Variants in ISOC1 observed in about 807,000 individuals in gnomAD.
ISOC1 encodes isochorismatase domain containing 1, also known as isochorismatase domain-containing protein 1.
ISOC1 carries 33 observed loss-of-function variants against 30.0 expected under a neutral mutation model. The observed-to-expected ratio is 1.10, with a 90% confidence interval of 0.83 to 1.47. ISOC1 has a LOEUF of 1.47. Among genes scored for constraint, ISOC1 ranks in the 40% most tolerant of loss-of-function variants. ISOC1 has a pLI of 0.00. For missense variants in ISOC1, 372 were observed against 388.0 expected, an observed-to-expected ratio of 0.96 and a Z score of 0.35; for synonymous variants, 178 against 159.8, an observed-to-expected ratio of 1.11 and a Z score of -0.86.
intron 3 of ISOC1, among the ~76,000 whole-genome samples, chr5:129,106,294 T>C (rs1451781475): frequency 1.3e-5 from 2 of 152,250 alleles, no homozygotes; most frequent in Non-Finnish European, 2.9e-5. Context: ...CGTGGCATCA[T>C]TGAAATGTAC....
At chr5:129,108,380 T>G (rs1289124446) in intron 4 of ISOC1, among the ~76,000 whole-genome samples, 1 of 152,206 alleles carries the variant, frequency 6.6e-6, no homozygotes, top group African/African-American at 2.4e-5. Flanking sequence ...AATCCTATAC[T>G]GAGATTACAA....
chr5:129,098,739 AT>A (rs1225622156), intron 1 of ISOC1, among the ~76,000 whole-genome samples: 3 of 152,134 alleles, frequency 2.0e-5, no homozygotes, highest in Non-Finnish European at 4.4e-5. Flanking sequence ...AGGGAAGGTT[AT>A]TTTGACCTTT....
chr5:129,101,019 TTTTGTTTGTTTG>T (rs5871338), intron 1 of ISOC1, among the ~76,000 whole-genome samples: 5 of 144,552 alleles, frequency 3.5e-5, no homozygotes, highest in Admixed American at 6.9e-5. Context: ...TCCCTATTGT[TTTTGTTTGTTTG>T]TTTGTTTGTT....
At chr5:129,109,245 G>A (rs1223455659) in intron 4 of ISOC1, among the ~76,000 whole-genome samples, 1 of 152,186 alleles carries the variant, frequency 6.6e-6, no homozygotes, top group Non-Finnish European at 1.5e-5. Context: ...TTGAAGGCAG[G>A]TTCTGGTGTT....
chr5:129,106,942 C>A lies in ISOC1; in HGVS notation c.634-4C>A. 6.2e-7 allele frequency: 1 copy of A among 1,605,870 alleles called. No homozygotes were observed. The highest frequency in any genetic ancestry group is 8.5e-7 in the Non-Finnish European group (1 of 1,172,724). ...TACATATGATTCTTGTACTTTCCTA[C>A]TAGACTCATGTGTGCATCCAACAAA... On this transcript the variant is annotated splice_polypyrimidine_tract_variant and splice_region_variant and intron_variant, in intron 3 of 4. Transcript: ENST00000173527.
intron 4 of ISOC1, among the ~76,000 whole-genome samples, chr5:129,110,745 G>A (rs769611382): frequency 5.9e-5 from 9 of 152,274 alleles, no homozygotes; most frequent in East Asian, 5.8e-4. Context: ...TTCTTGTAGC[G>A]TCACCAGATT....
intron 3 of ISOC1, 48 bp downstream of exon 3, chr5:129,105,436 C>T (rs985612832): frequency 2.0e-6 from 3 of 1,493,276 alleles, no homozygotes; most frequent in Non-Finnish European, 2.8e-6. Context: ...TTATAGAAAA[C>T]TCAATATTTG....
rs1554064628 is a variant in ISOC1, at chr5:129,101,192, A to AATATATATATATATATATATAT, written c.310-3748_310-3747insATATATATATATATATATATAT. Among the ~76,000 whole-genome samples, 31 of 42,218 alleles carry AATATATATATATATATATATAT rather than the reference A, an allele frequency of 7.3e-4. 1 individual carries two copies. Among genetic ancestry groups the AATATATATATATATATATATAT allele is most frequent in the African/African-American group, 5.3e-3 (29 of 5,438 alleles). 27.7% of individuals were successfully genotyped at this position (42,218 alleles called of 152,430 possible). ...AAAAAAAAAAAAAAAAAAAAAAAAA[A>AATATATATATATATATATATAT]ATATATATATATATATGGTTGGGTT... On this transcript the variant is annotated intron_variant, in intron 1 of 4. Transcript: ENST00000173527.
Position 129,112,952 on chromosome 5 carries a change from ATCTAAT to A in ISOC1, c.850_855del (p.Leu284_Ile285del), listed in dbSNP as rs748715133. 1.6e-5 allele frequency: 26 copies of A among 1,613,726 alleles called. No homozygotes were observed. The African/African-American group carries it at 3.5e-4, about 22-fold the overall frequency. Reference sequence around the variant, plus strand: ...CATCCAAAATTCAAGGAAATTCAGAATCTAATTAAGGCGAGTGCTCCAGAGTCGGGT... The same window carrying A: ...CATCCAAAATTCAAGGAAATTCAGAATAAGGCGAGTGCTCCAGAGTCGGGT... On this transcript the variant is annotated inframe_deletion, in exon 5 of 5. Coordinates refer to ENST00000173527, the MANE Select transcript of ISOC1 (RefSeq NM_016048.2).
intron 1 of ISOC1, among the ~76,000 whole-genome samples, chr5:129,101,192 A>ATATATAT (rs57103158): frequency 4.7e-5 from 2 of 42,228 alleles, no homozygotes; most frequent in Non-Finnish European, 3.6e-5. Context: ...AAAAAAAAAA[A>ATATATAT]ATATATATAT....
intron 1 of ISOC1, among the ~76,000 whole-genome samples, chr5:129,100,482 A>C (rs1412845174): frequency 1.3e-5 from 2 of 152,154 alleles, no homozygotes; most frequent in Admixed American, 6.5e-5. Flanking sequence ...ATATAGATAT[A>C]CGAAGGTGTG....
chr5:129,110,769 TG>T (rs1413617529), intron 4 of ISOC1, among the ~76,000 whole-genome samples: 1 of 152,162 alleles, frequency 6.6e-6, no homozygotes, highest in Admixed American at 6.5e-5. Context: ...TCCTTAGACC[TG>T]GGAACAGATT....
chr5:129,112,324 C>A (rs767590845), intron 4 of ISOC1, among the ~76,000 whole-genome samples: 1 of 151,960 alleles, frequency 6.6e-6, no homozygotes, highest in Non-Finnish European at 1.5e-5. Context: ...AGTTAAACTA[C>A]AGAGGGGGAA....
intron 4 of ISOC1, among the ~76,000 whole-genome samples, chr5:129,110,099 T>C (rs1467638985): frequency 6.6e-6 from 1 of 152,182 alleles, no homozygotes; most frequent in Admixed American, 6.5e-5. Context: ...GGAGTTTTAG[T>C]GTTGCTTGGA....
intron 4 of ISOC1, among the ~76,000 whole-genome samples, chr5:129,112,251 G>A (rs1753717193): frequency 6.6e-6 from 1 of 152,102 alleles, no homozygotes; most frequent in Non-Finnish European, 1.5e-5. Context: ...AACATGAAGA[G>A]CTACAAAATG....
intron 1 of ISOC1, 35 bp downstream of exon 1, chr5:129,095,110 C>T (rs1753478330): frequency 2.7e-6 from 4 of 1,500,672 alleles, no homozygotes; most frequent in Non-Finnish European, 3.5e-6. Flanking sequence ...CTTCCCTGTT[C>T]CCGAGTCGTC....
intron 1 of ISOC1, among the ~76,000 whole-genome samples, chr5:129,101,472 G>A (rs1311348283): frequency 6.6e-6 from 1 of 151,926 alleles, no homozygotes; most frequent in Non-Finnish European, 1.5e-5. Context: ...TCCAGCCTGG[G>A]CGACAGAGTG....
In ISOC1 at chr5:129,098,813, CTAT is replaced by C. The variant is rs1418195060; in HGVS notation, c.309+3749_309+3751del. On this transcript the variant is annotated intron_variant, in intron 1 of 4. Transcript: ENST00000173527. Reference sequence around the variant, plus strand: ...CTTTCATTTTCTTGGAAGTTTATTACTATTATTATTATTTTAAACAGGGGCATG... The same window carrying C: ...CTTTCATTTTCTTGGAAGTTTATTACTATTATTATTTTAAACAGGGGCATG... Among the ~76,000 whole-genome samples, 4 of 151,996 alleles carry C rather than the reference CTAT, an allele frequency of 2.6e-5. No homozygotes were observed. The East Asian group carries it at 5.8e-4, about 22-fold the overall frequency.
chr5:129,104,909 G>A, intron 1 of ISOC1, 47 bp from the exon 2 acceptor site: 1 of 1,585,846 alleles, frequency 6.3e-7, no homozygotes, highest in Non-Finnish European at 8.6e-7. Flanking sequence ...GAAAATAAAT[G>A]TCATTGTACA....
Sources: allele counts gnomAD v4.1 joint callset (sites outside exome capture counted in the v4.1 genomes callset), GRCh38; gene constraint gnomAD v4.1.1; transcripts MANE v1.5; gene names NCBI Gene and HGNC (gene_info 2026-07-23, HGNC 2026-07-21).